Variants in MAGI2 observed in about 807,000 individuals in gnomAD.
MAGI2 encodes membrane associated guanylate kinase, WW and PDZ domain containing 2, also known as membrane-associated guanylate kinase, WW and PDZ domain-containing protein 2.
MAGI2 carries 35 observed loss-of-function variants against 133.3 expected under a neutral mutation model. The observed-to-expected ratio is 0.26, with a 90% CI of 0.20 to 0.35. The LOEUF (loss-of-function observed/expected upper bound fraction) is 0.35, where lower values mean the gene tolerates loss of function less well. MAGI2 is among the 10% of genes least tolerant of loss of function. The probability of loss-of-function intolerance (pLI) is 1.00; values close to 1 mark genes in which losing one functional copy is unlikely to be tolerated. For synonymous variants in MAGI2, 729 were observed against 710.6 expected (o/e 1.03, Z -0.41); for missense variants, 1,636 against 1,863.4 (o/e 0.88, Z 2.25).
intron 6 of MAGI2, among the ~76,000 whole-genome samples, chr7:78,487,940 T>C (rs890650170): frequency 3.2e-4 from 49 of 152,138 alleles, no homozygotes; most frequent in African/African-American, 1.1e-3. Context: ...CTAATCTATG[T>C]CATTTAAAGA....
chr7:79,235,418 T>C (rs1232023600), intron 1 of MAGI2, among the ~76,000 whole-genome samples: 1 of 152,150 alleles, frequency 6.6e-6, no homozygotes, highest in Non-Finnish European at 1.5e-5. Context: ...CAGTTTGATC[T>C]CAGACTGCTG....
rs28464676 is a variant in MAGI2 at position 78,317,936 on chromosome 7, G to C, written c.1408+25842C>G. ...GGAATAGCATCAGCATCAACAAAAAGGACGTCCAGACACAGAAACCCCGTT... is the reference window on the plus strand; with the variant it reads ...GGAATAGCATCAGCATCAACAAAAACGACGTCCAGACACAGAAACCCCGTT... On this transcript the variant is annotated intron_variant, in intron 9 of 21. Transcript: ENST00000354212. Among the ~76,000 whole-genome samples the C allele has an allele frequency of 1.4e-3, 211 of 152,244 alleles. 2 individuals carry two copies. The highest frequency in any genetic ancestry group is 4.8e-3 in the African/African-American group (199 of 41,534).
At chr7:79,250,093 C>T (rs145180597) in intron 1 of MAGI2, among the ~76,000 whole-genome samples, 95 of 152,132 alleles carry the variant, frequency 6.2e-4, no homozygotes, top group African/African-American at 2.2e-3. Context: ...AACATCTCTT[C>T]ATGATAAAAA....
intron 1 of MAGI2, among the ~76,000 whole-genome samples, chr7:79,300,546 A>G (rs1837313752): frequency 6.6e-6 from 1 of 152,192 alleles, no homozygotes. Flanking sequence ...TGTGGGAGCA[A>G]AGAAATGACT....
chr7:78,173,755 A>T (rs570553271), intron 14 of MAGI2, among the ~76,000 whole-genome samples: 43 of 152,260 alleles, frequency 2.8e-4, no homozygotes, highest in African/African-American at 1.0e-3. Context: ...TGGGTTGGGT[A>T]CTGGGATGGG....
At chr7:78,736,652 T>C (rs1276812400) in intron 2 of MAGI2, among the ~76,000 whole-genome samples, 1 of 152,144 alleles carries the variant, frequency 6.6e-6, no homozygotes, top group Admixed American at 6.5e-5. Context: ...GTCCTCCCTT[T>C]TCTATGTTGA....
At chr7:79,227,127 C>A (rs1206500751) in intron 1 of MAGI2, among the ~76,000 whole-genome samples, 2 of 152,090 alleles carry the variant, frequency 1.3e-5, no homozygotes, top group Non-Finnish European at 2.9e-5. Context: ...CTAACAAAAC[C>A]ACTGGCAATA....
At chr7:79,341,644 G>A (rs544072268) in intron 1 of MAGI2, among the ~76,000 whole-genome samples, 13 of 152,296 alleles carry the variant, frequency 8.5e-5, no homozygotes, top group Non-Finnish European at 1.3e-4. Flanking sequence ...GAAGCAGTGC[G>A]CAGTTATCTG....
intron 2 of MAGI2, among the ~76,000 whole-genome samples, chr7:78,923,024 A>G (rs1265335042): frequency 6.6e-6 from 1 of 152,122 alleles, no homozygotes; most frequent in Non-Finnish European, 1.5e-5. Context: ...TCCTTTGCCT[A>G]CTTTTTAATG....
intron 2 of MAGI2, among the ~76,000 whole-genome samples, chr7:78,673,862 C>A (rs1467395658): frequency 1.3e-5 from 2 of 152,152 alleles, no homozygotes; most frequent in African/African-American, 4.8e-5. Context: ...CCATTATAGT[C>A]ATTTTTAAAT....
chr7:78,932,098 G>T (rs1183890176), intron 2 of MAGI2, among the ~76,000 whole-genome samples: 1 of 150,732 alleles, frequency 6.6e-6, no homozygotes, highest in African/African-American at 2.4e-5. Flanking sequence ...TCTTTTTCAT[G>T]TATGCCCAAA....
rs77842404 is a variant in MAGI2, at chr7:79,160,339, T to C, written c.302-153133A>G. Among the ~76,000 whole-genome samples, 1,419 of 151,990 alleles carry C rather than the reference T, an allele frequency of 9.3e-3. 15 individuals are homozygous for C. The highest frequency in any genetic ancestry group is 0.032 in the African/African-American group (1,345 of 41,490). ...GATAAAACAAAATAAAAGAAACAAT[T>C]AAGCTTGGGCAACAAAAGTTAATTC... is the stretch of plus-strand genomic sequence containing the variant. On this transcript the variant is annotated intron_variant, in intron 1 of 21. Coordinates refer to ENST00000354212, the MANE Select transcript of MAGI2 (RefSeq NM_012301.4).
At chr7:79,025,484 T>C (rs1809795131) in intron 1 of MAGI2, among the ~76,000 whole-genome samples, 1 of 152,182 alleles carries the variant, frequency 6.6e-6, no homozygotes, top group Non-Finnish European at 1.5e-5. Flanking sequence ...CCTCCACATG[T>C]ACCCCTGAGC....
intron 21 of MAGI2, among the ~76,000 whole-genome samples, chr7:78,022,989 C>A (rs1808555159): frequency 6.6e-6 from 1 of 152,182 alleles, no homozygotes. Flanking sequence ...TACTATATCA[C>A]AAAGTGATTT....
intron 10 of MAGI2, chr7:78,255,281 A>G (rs981716096): frequency 1.3e-5 from 2 of 154,018 alleles, no homozygotes; most frequent in Admixed American, 1.3e-4. Context: ...TGCCCGGGAC[A>G]CTCAGGCCAG....
intron 21 of MAGI2, among the ~76,000 whole-genome samples, chr7:78,049,107 CAA>C (rs34719237): frequency 0.54 from 73,296 of 136,574 alleles, 19,326 homozygotes; most frequent in Admixed American, 0.64. Flanking sequence ...GACTCCACCT[CAA>C]AAAAAAAAAA....
At chr7:79,253,585 G>C (rs898131214) in intron 1 of MAGI2, among the ~76,000 whole-genome samples, 10 of 152,064 alleles carry the variant, frequency 6.6e-5, no homozygotes, top group South Asian at 2.1e-4. Flanking sequence ...CGAGGTTTCA[G>C]TGAGCCAAGA....
At chr7:78,564,941 C>A (rs947524758) in intron 3 of MAGI2, among the ~76,000 whole-genome samples, 1 of 151,312 alleles carries the variant, frequency 6.6e-6, no homozygotes, top group African/African-American at 2.4e-5. Context: ...CTACAGGCAC[C>A]CGCCACCACG....
At chr7:78,956,224 A>G (rs1001535144) in intron 2 of MAGI2, among the ~76,000 whole-genome samples, 1 of 152,156 alleles carries the variant, frequency 6.6e-6, no homozygotes, top group African/African-American at 2.4e-5. Context: ...TCCACAGTGT[A>G]ATTTATTAAA....
Sources: allele counts gnomAD v4.1 joint callset (sites outside exome capture counted in the v4.1 genomes callset), GRCh38; gene constraint gnomAD v4.1.1; transcripts MANE v1.5; gene names NCBI Gene and HGNC (gene_info 2026-07-23, HGNC 2026-07-21).